The following APOO variants were observed in gnomAD, a reference collection of about 807,000 sequenced individuals.
The protein encoded by APOO is MICOS complex subunit MIC26.
In APOO, 11 loss-of-function variants were observed where a neutral mutation model predicts 23.1. The observed-to-expected ratio is 0.48, with a 90% CI of 0.30 to 0.79. APOO has a LOEUF of 0.79. Ranked by LOEUF, APOO falls within the 30% of genes least tolerant of loss-of-function variation. The probability of loss-of-function intolerance (pLI) is 0.07; values close to 1 mark genes in which losing one functional copy is unlikely to be tolerated. For synonymous variants in APOO, 59 were observed against 54.8 expected (o/e 1.08, Z -0.34); for missense variants, 160 against 142.7 (o/e 1.12, Z -0.62).
chrX:23,861,115 G>C (rs997457734), intron 5 of APOO, among the ~76,000 whole-genome samples: 2 of 111,156 alleles, frequency 1.8e-5, no homozygotes, highest in Admixed American at 9.6e-5. Context: ...ACTCCAGCCT[G>C]GGTGATAATT....
chrX:23,839,531 C>T (rs747379841), intron 8 of APOO, among the ~76,000 whole-genome samples: 3 of 111,578 alleles, frequency 2.7e-5, no homozygotes, highest in Non-Finnish European at 5.6e-5. Context: ...CCATGATTTA[C>T]AATAAATGTA....
At chrX:23,891,505 G>A (rs751597730) in intron 1 of APOO, among the ~76,000 whole-genome samples, 103 of 111,825 alleles carry the variant, frequency 9.2e-4, no homozygotes, top group African/African-American at 3.1e-3. Context: ...GGGATTATAG[G>A]CGTGAGCCAC....
intron 1 of APOO, among the ~76,000 whole-genome samples, chrX:23,882,561 A>T (rs746619122): frequency 2.0e-4 from 23 of 112,428 alleles, no homozygotes; most frequent in African/African-American, 7.4e-4. Context: ...AGCCATAGAA[A>T]TAGGAATATG....
rs189632447 is a variant in APOO, at chrX:23,851,720, A to G, written c.561+4582T>C. Among the ~76,000 whole-genome samples the G allele has an allele frequency of 3.6e-5, 4 of 112,419 alleles. No individual in the cohort carries two copies. The Admixed American group carries it at 3.8e-4, about 11-fold the overall frequency. On this transcript the variant is annotated intron_variant, in intron 7 of 8. Coordinates refer to ENST00000379226, the MANE Select transcript of APOO (RefSeq NM_024122.5). Reference sequence around the variant, plus strand: ...TTCCTCTTAAGTAACCAATGATGACAGACTGAAACACTACTTTATTGGTAG... The same window carrying G: ...TTCCTCTTAAGTAACCAATGATGACGGACTGAAACACTACTTTATTGGTAG...
intron 1 of APOO, among the ~76,000 whole-genome samples, chrX:23,889,082 C>A (rs1279173776): frequency 9.1e-6 from 1 of 109,590 alleles, no homozygotes; most frequent in Non-Finnish European, 1.9e-5. Context: ...GTCAAGGATG[C>A]AGTGAGCTAT....
chrX:23,877,696 C>T (rs1043491076), intron 3 of APOO, among the ~76,000 whole-genome samples: 2 of 109,234 alleles, frequency 1.8e-5, no homozygotes, highest in Non-Finnish European at 3.8e-5. Flanking sequence ...ACTGCTTGAA[C>T]CCGGGAGGTG....
intron 7 of APOO, among the ~76,000 whole-genome samples, chrX:23,841,174 A>G (rs1923953897): frequency 9.0e-6 from 1 of 111,425 alleles, no homozygotes; most frequent in Non-Finnish European, 1.9e-5. Context: ...CCCCTCTTTC[A>G]GAGTTATTCA....
At chrX:23,866,798 AT>A (rs1925356365) in intron 5 of APOO, among the ~76,000 whole-genome samples, 1 of 101,061 alleles carries the variant, frequency 9.9e-6, no homozygotes, top group South Asian at 4.5e-4. Context: ...CAAAAAAGAA[AT>A]CAATTAAAAA....
At position 23,854,527 on chromosome X, in the gene APOO, T is replaced by C. The variant is rs1189368737; in HGVS notation, c.561+1775A>G. 2.7e-5 allele frequency among the ~76,000 whole-genome samples: 3 copies of C among 111,844 alleles called. No individual in the cohort carries two copies. In the East Asian group the frequency reaches 8.3e-4, roughly 31 times the overall value. On this transcript the variant is annotated intron_variant, in intron 7 of 8. Transcript: ENST00000379226. Reference sequence around the variant, plus strand: ...TGCATTTGTTTTTTTGCTTGTTTGTTTTTGTTTTTTTGAGATGAAGTCTCG... The same window carrying C: ...TGCATTTGTTTTTTTGCTTGTTTGTCTTTGTTTTTTTGAGATGAAGTCTCG...
At chrX:23,835,386 T>C (rs770843213) in intron 8 of APOO, among the ~76,000 whole-genome samples, 21 of 111,892 alleles carry the variant, frequency 1.9e-4, no homozygotes, top group African/African-American at 6.5e-4. Context: ...CTAAATATTT[T>C]AGAGGCCAGT....
In APOO at chrX:23,856,270, A is replaced by G. The variant is rs200274056; in HGVS notation, c.561+32T>C. On this transcript the variant is annotated intron_variant, in intron 7 of 8. Transcript: ENST00000379226. ...CCTAGAGAAACCACATATTTAAACCAAAAGGAAGATAATGAAAAAGATGCT... is the reference window on the plus strand; with the variant it reads ...CCTAGAGAAACCACATATTTAAACCGAAAGGAAGATAATGAAAAAGATGCT... 1,871 of 1,167,507 alleles carry G rather than the reference A, an allele frequency of 1.6e-3. 3 individuals carry two copies. Among genetic ancestry groups the G allele is most frequent in the Non-Finnish European group, 2.1e-3 (1,789 of 860,271 alleles).
chrX:23,881,240 A>G (rs1165781450), intron 1 of APOO, among the ~76,000 whole-genome samples: 4 of 109,296 alleles, frequency 3.7e-5, no homozygotes, highest in Non-Finnish European at 7.6e-5. Flanking sequence ...ACACCCGGCT[A>G]ATTTTTGTAT....
intron 7 of APOO, among the ~76,000 whole-genome samples, chrX:23,854,338 G>A (rs139784559): frequency 0.016 from 1,828 of 111,673 alleles, 47 homozygotes; most frequent in African/African-American, 0.056. Context: ...TGAGCACTCC[G>A]GGGAGCCTGG....
intron 7 of APOO, among the ~76,000 whole-genome samples, chrX:23,851,159 G>A (rs1032011497): frequency 3.0e-4 from 32 of 108,077 alleles, no homozygotes; most frequent in Admixed American, 1.7e-3. Flanking sequence ...ACTTGGGGGT[G>A]AGGGGACCCA....
At chrX:23,852,190 C>T (rs1924569494) in intron 7 of APOO, among the ~76,000 whole-genome samples, 1 of 111,250 alleles carries the variant, frequency 9.0e-6, no homozygotes, top group Non-Finnish European at 1.9e-5. Context: ...TCCCAAAGTG[C>T]TGGGATTACA....
intron 6 of APOO, among the ~76,000 whole-genome samples, chrX:23,857,152 G>A (rs1356948556): frequency 2.8e-5 from 3 of 108,869 alleles, no homozygotes; most frequent in Admixed American, 1.0e-4. Flanking sequence ...CTTATTACCC[G>A]GGTAACAAAA....
chrX:23,907,489 G>A (rs893091125), intron 1 of APOO, among the ~76,000 whole-genome samples: 9 of 112,516 alleles, frequency 8.0e-5, no homozygotes, highest in African/African-American at 2.9e-4. Flanking sequence ...CCACCCACCC[G>A]GGGGTCTCCC....
At chrX:23,901,408 G>A in intron 1 of APOO, among the ~76,000 whole-genome samples, 1 of 111,163 alleles carries the variant, frequency 9.0e-6, no homozygotes, top group Non-Finnish European at 1.9e-5. Context: ...CCAATGCCCA[G>A]ATATTTCAGC....
At chrX:23,840,922 G>T (rs1923939660) in intron 7 of APOO, 1 of 111,979 alleles carries the variant, frequency 8.9e-6, no homozygotes. Flanking sequence ...GGCCCTCCGG[G>T]AACATATAAT....
Sources: allele counts gnomAD v4.1 joint callset (sites outside exome capture counted in the v4.1 genomes callset), GRCh38; gene constraint gnomAD v4.1.1; transcripts MANE v1.5; gene names NCBI Gene and HGNC (gene_info 2026-07-23, HGNC 2026-07-21).